Variants in ADD1 observed in about 807,000 individuals in gnomAD.
ADD1 encodes alpha-adducin.
Under a neutral mutation model 80.5 loss-of-function variants are expected in ADD1, and 24 were observed. The ratio of observed to expected loss-of-function variants is 0.30; its 90% CI spans 0.22 to 0.42. The LOEUF is 0.42. Among genes scored for constraint, ADD1 ranks in the 10% least tolerant of loss-of-function variants. The pLI is 1.00. For missense variants in ADD1, 948 were observed against 1,019.0 expected, an observed-to-expected ratio of 0.93 and a Z score of 0.95; for synonymous variants, 373 against 393.8, an observed-to-expected ratio of 0.95 and a Z score of 0.63.
intron 1 of ADD1, among the ~76,000 whole-genome samples, chr4:2,850,575 G>A (rs1726927224): frequency 6.6e-6 from 1 of 152,206 alleles, no homozygotes; most frequent in Non-Finnish European, 1.5e-5. Context: ...ACAGGCGCCT[G>A]CCACCATGCC....
At chr4:2,904,227 A>G (rs909092850) in intron 9 of ADD1, among the ~76,000 whole-genome samples, 1 of 152,180 alleles carries the variant, frequency 6.6e-6, no homozygotes, top group Non-Finnish European at 1.5e-5. Context: ...CTGTATAACC[A>G]GCAGTCAATA....
At chr4:2,856,967 C>T (rs1422122167) in intron 1 of ADD1, among the ~76,000 whole-genome samples, 4 of 151,666 alleles carry the variant, frequency 2.6e-5, no homozygotes, top group Non-Finnish European at 4.4e-5. Flanking sequence ...GGCTGGAGTG[C>T]AGTGGCGGCA....
intron 1 of ADD1, among the ~76,000 whole-genome samples, chr4:2,875,616 G>T (rs1036955687): frequency 8.5e-5 from 13 of 152,192 alleles, no homozygotes; most frequent in African/African-American, 3.1e-4. Flanking sequence ...TTTTGGATTT[G>T]TCAGAGGACT....
At chr4:2,914,682 A>T (rs776436480) in intron 13 of ADD1, 8 of 528,522 alleles carry the variant, frequency 1.5e-5, no homozygotes, top group African/African-American at 9.7e-5. Flanking sequence ...ATATCTGTTC[A>T]TCGTGGCACT....
At chr4:2,880,696 C>G (rs1165719977) in intron 2 of ADD1, among the ~76,000 whole-genome samples, 1 of 151,758 alleles carries the variant, frequency 6.6e-6, no homozygotes, top group Non-Finnish European at 1.5e-5. Flanking sequence ...AGGATGGTCT[C>G]GATCTCCTGA....
intron 1 of ADD1, among the ~76,000 whole-genome samples, chr4:2,871,059 G>C (rs1300859017): frequency 6.6e-6 from 1 of 150,756 alleles, no homozygotes; most frequent in Non-Finnish European, 1.5e-5. Context: ...ATCTGTGCCT[G>C]CCGGGTTCAT....
At chr4:2,891,252 A>C (rs953606139) in intron 4 of ADD1, among the ~76,000 whole-genome samples, 2 of 152,124 alleles carry the variant, frequency 1.3e-5, no homozygotes, top group African/African-American at 2.4e-5. Context: ...CAGGAGTTTG[A>C]GACCAGCCTG....
In ADD1 at chr4:2,898,346, T is replaced by G. The variant is rs780039355; in HGVS notation, c.885+19T>G. The G allele has an allele frequency of 1.4e-5, 23 of 1,614,080 alleles. No homozygotes were observed. The African/African-American group carries it at 2.9e-4, about 21-fold the overall frequency. On this transcript the variant is annotated intron_variant, in intron 7 of 15. Transcript: ENST00000683351. ...AAGCAAGGTCAGTAGGCATCTAATCTGGTATTTAAATTACAGCAGAAAGAA... is the reference window on the plus strand; with the variant it reads ...AAGCAAGGTCAGTAGGCATCTAATCGGGTATTTAAATTACAGCAGAAAGAA...
rs192933726 is a variant in ADD1 at position 2,903,090 on chromosome 4, G to A, written c.1162-1674G>A. ...GAAAGAGTGATTAGTAATGAAGATGGCCCCCAAAAAAGAGCAGTACCCAGA... is the reference window on the plus strand; with the variant it reads ...GAAAGAGTGATTAGTAATGAAGATGACCCCCAAAAAAGAGCAGTACCCAGA... On this transcript the variant is annotated intron_variant, in intron 9 of 15. Transcript: ENST00000683351. 2.6e-5 allele frequency among the ~76,000 whole-genome samples: 4 copies of A among 151,742 alleles called. No individual in the cohort carries two copies. In the East Asian group the frequency reaches 7.7e-4, roughly 29 times the overall value.
At chr4:2,861,703 G>A (rs1313333191) in intron 1 of ADD1, among the ~76,000 whole-genome samples, 2 of 152,078 alleles carry the variant, frequency 1.3e-5, no homozygotes, top group Non-Finnish European at 2.9e-5. Context: ...AGATTCTGTG[G>A]GTCTGGGTTT....
At chr4:2,927,002 G>A (rs1447291051) in intron 15 of ADD1, among the ~76,000 whole-genome samples, 1 of 152,242 alleles carries the variant, frequency 6.6e-6, no homozygotes, top group African/African-American at 2.4e-5. Context: ...TGTAAGTGCA[G>A]CCTCGGTTCA....
chr4:2,872,700 G>A (rs1730641322), intron 1 of ADD1, among the ~76,000 whole-genome samples: 1 of 152,226 alleles, frequency 6.6e-6, no homozygotes, highest in South Asian at 2.1e-4. Context: ...GAGACTACAG[G>A]CGTGTGCCAT....
rs891836805 is a variant in ADD1 at position 2,881,958 on chromosome 4, A to G, written c.256A>G (p.Thr86Ala). ...QEQFKKGKNP[T>A]GLLALQQIAD... Reference sequence around the variant, plus strand: ...GCAATTTAAGAAGGGGAAGAACCCCACAGGCCTATTGGCATTACAGCAGAT... The same window carrying G: ...GCAATTTAAGAAGGGGAAGAACCCCGCAGGCCTATTGGCATTACAGCAGAT... The change falls in exon 3 of 16, where the codon ACA (threonine) becomes GCA (alanine). Residue 86 changes from threonine (T) to alanine (A), a missense_variant. Thr to Ala is a moderately conservative substitution (Grantham distance 58). Coordinates refer to ENST00000683351, the MANE Select transcript of ADD1 (RefSeq NM_001354761.2). 3.1e-6 allele frequency: 5 copies of G among 1,613,200 alleles called. No homozygotes were observed. Among genetic ancestry groups the G allele is most frequent in the Non-Finnish European group, 4.2e-6 (5 of 1,179,792 alleles).
intron 12 of ADD1, chr4:2,908,815 C>G: frequency 1.7e-6 from 1 of 585,890 alleles, no homozygotes. Flanking sequence ...GTCCACCCCT[C>G]TGGTCATGCC....
In ADD1 at chr4:2,852,247, C is replaced by A. The variant is rs539542972; in HGVS notation, c.-21+8223C>A. 8.2e-4 allele frequency among the ~76,000 whole-genome samples: 54 copies of A among 66,254 alleles called. 2 individuals carry two copies. Among genetic ancestry groups the A allele is most frequent in the African/African-American group, 2.8e-3 (52 of 18,826 alleles). The allele number at this position is 66,254 out of a possible 152,430, so 43.5% of individuals were successfully genotyped here. A position where few individuals can be genotyped will look rare whatever the true frequency, so the allele number is the denominator to read the frequency against. On this transcript the variant is annotated intron_variant, in intron 1 of 15. Transcript: ENST00000683351. ...CTTTCTTTCCTTTCTTTCTTTCTTT[C>A]TCTTTCTTTCTTTCCTTCCTTCCTT...
intron 14 of ADD1, among the ~76,000 whole-genome samples, chr4:2,919,413 A>G (rs1739620923): frequency 6.6e-6 from 1 of 152,186 alleles, no homozygotes; most frequent in Middle Eastern, 3.2e-3. Flanking sequence ...AATGGTACCT[A>G]CCAGCTCCTT....
At chr4:2,913,252 A>C (rs1031643069) in intron 13 of ADD1, among the ~76,000 whole-genome samples, 2 of 152,214 alleles carry the variant, frequency 1.3e-5, no homozygotes, top group African/African-American at 4.8e-5. Context: ...ATTGGCAGTG[A>C]TATCAGGATG....
intron 1 of ADD1, among the ~76,000 whole-genome samples, chr4:2,874,587 A>G (rs1730966090): frequency 6.6e-6 from 1 of 150,644 alleles, no homozygotes; most frequent in African/African-American, 2.4e-5. Flanking sequence ...AGAATGAGCG[A>G]CAGAGTGAGA....
At chr4:2,874,604 CAAA>C (rs576430508) in intron 1 of ADD1, among the ~76,000 whole-genome samples, 8 of 97,986 alleles carry the variant, frequency 8.2e-5, no homozygotes, top group Admixed American at 1.1e-4. Flanking sequence ...GAGACTGTCT[CAAA>C]AAAAAAAAAA....
Sources: allele counts gnomAD v4.1 joint callset (sites outside exome capture counted in the v4.1 genomes callset), GRCh38; gene constraint gnomAD v4.1.1; transcripts MANE v1.5; gene names NCBI Gene and HGNC (gene_info 2026-07-23, HGNC 2026-07-21).